Variants in ENTREP2 observed in about 807,000 individuals in gnomAD.
ENTREP2 encodes endosomal transmembrane epsin interactor 2, also known as protein ENTREP2.
chr15:29,567,944 T>C, the ENTREP2 span, among the ~76,000 whole-genome samples: 1 of 152,308 alleles, frequency 6.6e-6, no homozygotes. Context: ...GATTTCTTTA[T>C]GAAGCCAGCC....
chr15:29,673,837 C>T, the ENTREP2 span, among the ~76,000 whole-genome samples: 1 of 152,176 alleles, frequency 6.6e-6, no homozygotes, highest in Non-Finnish European at 1.5e-5. Context: ...AAGATGGAGT[C>T]AGTTAGGTGA....
At chr15:29,170,981 C>T in the ENTREP2 span, among the ~76,000 whole-genome samples, 6 of 152,188 alleles carry the variant, frequency 3.9e-5, no homozygotes, top group Non-Finnish European at 7.3e-5. Flanking sequence ...GGTGGGGGTC[C>T]TCCTGTGGTG....
At chr15:29,495,890 GGGGTCTTTT>G in the ENTREP2 span, among the ~76,000 whole-genome samples, 1 of 151,884 alleles carries the variant, frequency 6.6e-6, no homozygotes, top group Non-Finnish European at 1.5e-5. Flanking sequence ...TGGGCTATTC[GGGGTCTTTT>G]GTGGTTCCCT....
chr15:29,161,818 G>A, the ENTREP2 span, among the ~76,000 whole-genome samples: 2 of 152,146 alleles, frequency 1.3e-5, no homozygotes, highest in Non-Finnish European at 2.9e-5. Context: ...GTGGACGGGA[G>A]GCAGGACTAG....
At chr15:29,406,564 A>T in the ENTREP2 span, among the ~76,000 whole-genome samples, 52 of 148,736 alleles carry the variant, frequency 3.5e-4, no homozygotes, top group Non-Finnish European at 5.8e-4. Flanking sequence ...TAAAAAAAAG[A>T]ATATTAAAAA....
chr15:29,132,240 G>A, the ENTREP2 span, among the ~76,000 whole-genome samples: 2 of 152,316 alleles, frequency 1.3e-5, no homozygotes, highest in South Asian at 4.1e-4. Context: ...TGTCTAGTCA[G>A]AGGGGCCTTG....
chr15:29,270,823 T>C, the ENTREP2 span, among the ~76,000 whole-genome samples: 2 of 152,232 alleles, frequency 1.3e-5, no homozygotes, highest in African/African-American at 4.8e-5. Flanking sequence ...ATTTGTTTCT[T>C]CTCTATTTAC....
chr15:29,625,631 G>A, the ENTREP2 span, among the ~76,000 whole-genome samples: 1 of 151,676 alleles, frequency 6.6e-6, no homozygotes, highest in Non-Finnish European at 1.5e-5. Context: ...CTGACCTCAA[G>A]TGATCCACCC....
chr15:29,519,417 G>A, the ENTREP2 span, among the ~76,000 whole-genome samples: 1 of 151,070 alleles, frequency 6.6e-6, no homozygotes. Flanking sequence ...GCAAGACCAA[G>A]CCCTCCTCTT....
At chr15:29,589,562 C>G in the ENTREP2 span, among the ~76,000 whole-genome samples, 1 of 152,218 alleles carries the variant, frequency 6.6e-6, no homozygotes, top group South Asian at 2.1e-4. Flanking sequence ...GACAAGCACA[C>G]TCTTTATAGA....
At chr15:29,331,269 G>C in the ENTREP2 span, among the ~76,000 whole-genome samples, 359 of 152,296 alleles carry the variant, frequency 2.4e-3, 3 homozygotes, top group African/African-American at 8.0e-3. Flanking sequence ...TGTGCCGCTG[G>C]ACAGCAGGCC....
At chr15:29,495,373 G>T in the ENTREP2 span, among the ~76,000 whole-genome samples, 1 of 151,974 alleles carries the variant, frequency 6.6e-6, no homozygotes, top group Admixed American at 6.6e-5. Flanking sequence ...TGTTTCCTTT[G>T]CTCTAAAGAA....
the ENTREP2 span, among the ~76,000 whole-genome samples, chr15:29,496,700 G>A: frequency 2.0e-5 from 3 of 152,072 alleles, no homozygotes; most frequent in Non-Finnish European, 4.4e-5. Flanking sequence ...CATTCTTTCT[G>A]TTAATGTGTT....
the ENTREP2 span, among the ~76,000 whole-genome samples, chr15:29,478,036 T>TTG: frequency 7.4e-6 from 1 of 134,840 alleles, no homozygotes; most frequent in Non-Finnish European, 1.6e-5. Flanking sequence ...TTTTTTTTTT[T>TTG]TTTTCTGAGA....
At chr15:29,361,591 C>A in the ENTREP2 span, among the ~76,000 whole-genome samples, 2 of 152,300 alleles carry the variant, frequency 1.3e-5, no homozygotes, top group East Asian at 3.9e-4. Context: ...CATATCTTAA[C>A]CTTCTTAGTT....
At chr15:29,431,260 T>C in the ENTREP2 span, among the ~76,000 whole-genome samples, 1 of 152,172 alleles carries the variant, frequency 6.6e-6, no homozygotes, top group South Asian at 2.1e-4. Context: ...CCTCCTGCGA[T>C]GCCACGCTGG....
chr15:29,482,840 C>G, the ENTREP2 span, among the ~76,000 whole-genome samples: 1 of 152,122 alleles, frequency 6.6e-6, no homozygotes, highest in African/African-American at 2.4e-5. Flanking sequence ...GTTTTTAATT[C>G]ATTTAGGTAA....
the ENTREP2 span, among the ~76,000 whole-genome samples, chr15:29,435,703 T>C: frequency 6.6e-6 from 1 of 151,880 alleles, no homozygotes; most frequent in Non-Finnish European, 1.5e-5. Context: ...TGTATATATA[T>C]ACAATATGTG....
At chr15:29,221,204 CT>C in the ENTREP2 span, among the ~76,000 whole-genome samples, 367 of 143,444 alleles carry the variant, frequency 2.6e-3, 1 homozygote, top group Middle Eastern at 3.6e-3. Flanking sequence ...GCAAATGACA[CT>C]TTTTTTTTTT....
Sources: gnomAD v4.1 joint callset for allele counts (sites outside exome capture counted in the v4.1 genomes callset) on GRCh38, gnomAD v4.1.1 for gene constraint, MANE v1.5 for transcripts, NCBI Gene and HGNC (gene_info 2026-07-23, HGNC 2026-07-21) for gene names.